BRCA2: variants seen among roughly 807,000 people sequenced by gnomAD.
BRCA2 encodes BRCA2 DNA repair associated.
Under a neutral mutation model 276.7 loss-of-function variants are expected in BRCA2, and 203 were observed. The observed-to-expected ratio is 0.73, with a 90% CI of 0.65 to 0.82. The LOEUF (loss-of-function observed/expected upper bound fraction) is 0.82. Among genes scored for constraint, BRCA2 ranks in the 40% least tolerant of loss-of-function variants. The pLI is 0.00. For missense variants in BRCA2, 3,920 were observed against 3,915.0 expected, an observed-to-expected ratio of 1.00 and a Z score of -0.03; for synonymous variants, 1,289 against 1,338.4, an observed-to-expected ratio of 0.96 and a Z score of 0.81.
intron 13 of BRCA2, among the ~76,000 whole-genome samples, chr13:32,350,740 G>A (rs1277689023): frequency 6.6e-5 from 10 of 151,536 alleles, no homozygotes; most frequent in Admixed American, 4.6e-4. Context: ...GCGAGAGAGC[G>A]AGACTCCGTC....
At chr13:32,318,354 C>T (rs1004195682) in intron 2 of BRCA2, among the ~76,000 whole-genome samples, 3 of 152,100 alleles carry the variant, frequency 2.0e-5, no homozygotes, top group Non-Finnish European at 4.4e-5. Flanking sequence ...TGTGAGAGTC[C>T]ACATGTTCCT....
intron 24 of BRCA2, among the ~76,000 whole-genome samples, chr13:32,391,768 A>T (rs1157161556): frequency 6.6e-6 from 1 of 152,184 alleles, no homozygotes; most frequent in Non-Finnish European, 1.5e-5. Context: ...CTAGTGTAGG[A>T]TTCTAAAAGT....
At chr13:32,330,820 C>A (rs2137460603) in intron 8 of BRCA2, 99 bp from the exon 9 acceptor site, 1 of 767,262 alleles carries the variant, frequency 1.3e-6, no homozygotes, top group Non-Finnish European at 2.2e-6. Context: ...TTGCAGATAA[C>A]TGAAATCACC....
In BRCA2 at chr13:32,338,614, A is replaced by AT. The variant is rs1555283664; in HGVS notation, c.4263dup (p.Glu1422Ter). The AT allele has an allele frequency of 6.3e-7, 1 of 1,597,490 alleles. No homozygotes were observed. The highest frequency in any genetic ancestry group is 1.7e-5 in the Admixed American group (1 of 58,640). ...ACTAAAACGGAGCAAAATATAAAAG[A>AT]TTTTGAGACTTCTGATACATTTTTT... On this transcript the variant is annotated frameshift_variant, in exon 11 of 27. Transcript: ENST00000380152. LOFTEE classifies it high-confidence loss of function.
intron 10 of BRCA2, 21 bp downstream of exon 10, chr13:32,333,408 T>C (rs2137476419): frequency 6.2e-7 from 1 of 1,604,848 alleles, no homozygotes; most frequent in African/African-American, 1.3e-5. Flanking sequence ...CTTTTTTTTT[T>C]TGTAAATAGT....
Position 32,340,453 on chromosome 13 carries a change from T to A in BRCA2, c.6098T>A (p.Ile2033Lys), listed in dbSNP as rs398122548. 2.5e-6 allele frequency: 4 copies of A among 1,613,732 alleles called. No individual in the cohort carries two copies. The African/African-American group carries it at 5.3e-5, about 22-fold the overall frequency. The part of the protein sequence containing the change: ...DQLTREENTA[I>K]RTPEHLISQK... ...CTCACAAGAGAAGAAAATACTGCTA[T>A]ACGTACTCCAGAACATTTAATATCC... The change falls in exon 11 of 27, where the codon ATA (isoleucine) becomes AAA (lysine). Residue 2033 changes from isoleucine to lysine, a missense_variant. Around this residue, in one of 2 missense-constraint regions of BRCA2, gnomAD observed 3,263 missense variants for 3,156.9 expected, o/e 1.03. Transcript: ENST00000380152.
Position 32,340,835 on chromosome 13 carries a change from A to G in BRCA2, c.6480A>G (p.Gln2160=), listed in dbSNP as rs2137527978. ...KVSPYLSQFQ[Q]DKQQLVLGTK... ...CTCCATATCTCTCTCAATTTCAACA[A>G]GACAAACAACAGTTGGTATTAGGAA... The change falls in exon 11 of 27, where the codon CAA becomes CAG. Residue 2160 remains glutamine (Q), a synonymous_variant. Transcript: ENST00000380152. 2 of 1,592,290 alleles carry G rather than the reference A, an allele frequency of 1.3e-6. No homozygotes were observed. The highest frequency in any genetic ancestry group is 1.7e-6 in the Non-Finnish European group (2 of 1,172,956).
chr13:32,391,535 C>T (rs1432254080), intron 24 of BRCA2, among the ~76,000 whole-genome samples: 1 of 152,210 alleles, frequency 6.6e-6, no homozygotes. Context: ...GCTGGAGGAT[C>T]ACATGCCTTG....
Position 32,357,928 on chromosome 13 carries a change from A to G in BRCA2, c.7804A>G (p.Arg2602Gly), listed in dbSNP as rs2137567908. 1 of 1,613,162 alleles carries G rather than the reference A, an allele frequency of 6.2e-7. No individual in the cohort carries two copies. Among genetic ancestry groups the G allele is most frequent in the Non-Finnish European group, 8.5e-7 (1 of 1,179,172 alleles). The change falls in exon 16 of 27, where the codon AGG (arginine) becomes GGG (glycine). Residue 2602 changes from arginine to glycine, a missense_variant and splice_region_variant. Coordinates refer to ENST00000380152, the MANE Select transcript of BRCA2 (RefSeq NM_000059.4). ...DGKAGKEEFY[R>G]ALCDTPGVDP... Reference sequence around the variant, plus strand: ...AAAGGCTGGAAAAGAAGAATTTTATAGGTACTCTATGCAAAAAGATTGTGT... The same window carrying G: ...AAAGGCTGGAAAAGAAGAATTTTATGGGTACTCTATGCAAAAAGATTGTGT...
chr13:32,350,490 C>T (rs1280429729), intron 13 of BRCA2, among the ~76,000 whole-genome samples: 2 of 152,126 alleles, frequency 1.3e-5, no homozygotes, highest in Non-Finnish European at 2.9e-5. Flanking sequence ...TGGTTCACGC[C>T]TGTAATCCCA....
At position 32,368,896 on chromosome 13, in the gene BRCA2, C is replaced by T. The variant is rs554592805; in HGVS notation, c.8332-1506C>T. 4.0e-5 allele frequency among the ~76,000 whole-genome samples: 6 copies of T among 151,276 alleles called. No individual in the cohort carries two copies. In the East Asian group the frequency reaches 1.2e-3, roughly 29 times the overall value. On this transcript the variant is annotated intron_variant, in intron 18 of 26. Coordinates refer to ENST00000380152, the MANE Select transcript of BRCA2 (RefSeq NM_000059.4). ...TGCGATCTCGGCTCACTGCAACCTC[C>T]ACCTCCCAGGTTCGAGGAATTCTCC...
rs397507637 is a variant in BRCA2 at position 32,337,055 on chromosome 13, TC to T, written c.2701del (p.Ala902LeufsTer2). 1 of 1,605,126 alleles carries T rather than the reference TC, an allele frequency of 6.2e-7. No individual in the cohort carries two copies. The highest frequency in any genetic ancestry group is 1.7e-4 in the Middle Eastern group (1 of 6,018). Reference sequence around the variant, plus strand: ...TCCAAGTAGCTAATGAAAGGAATAATCTTGCTTTAGGAAATACTAAGGAACT... The same window carrying T: ...TCCAAGTAGCTAATGAAAGGAATAATTTGCTTTAGGAAATACTAAGGAACT... ...VFQVANERNN[L>X]ALGNTKELHE... is the part of the protein sequence containing the mutation. On this transcript the variant is annotated frameshift_variant, in exon 11 of 27. Coordinates refer to ENST00000380152, the MANE Select transcript of BRCA2 (RefSeq NM_000059.4). LOFTEE classifies it high-confidence loss of function.
chr13:32,368,454 A>G (rs1276818969), intron 18 of BRCA2, among the ~76,000 whole-genome samples: 1 of 151,168 alleles, frequency 6.6e-6, no homozygotes, highest in Admixed American at 6.6e-5. Flanking sequence ...TAGATACAGT[A>G]TCTTCTCATC....
In BRCA2 at chr13:32,316,308, A is replaced by G. The variant is rs973070389; in HGVS notation, c.-39-114A>G. The G allele has an allele frequency of 7.3e-5, 53 of 726,106 alleles. 2 individuals carry two copies. The South Asian group carries it at 7.5e-4, about 10-fold the overall frequency. The allele number at this position is 726,106 out of a possible 1,614,324, so 45.0% of individuals were successfully genotyped here. ...CACAGTAAGCTGTTACCGTTCCAGGAGATGGGACTGAATTAGAATTCAAAC... is the reference window on the plus strand; with the variant it reads ...CACAGTAAGCTGTTACCGTTCCAGGGGATGGGACTGAATTAGAATTCAAAC... On this transcript the variant is annotated intron_variant, in intron 1 of 26. Transcript: ENST00000380152.
At chr13:32,342,622 T>C (rs2072580377) in intron 11 of BRCA2, among the ~76,000 whole-genome samples, 1 of 152,226 alleles carries the variant, frequency 6.6e-6, no homozygotes. Context: ...GGCTGTATGG[T>C]ATAGCTTATT....
intron 23 of BRCA2, 39 bp from the exon 24 acceptor site, chr13:32,379,968 G>A (rs771635535): frequency 3.5e-5 from 56 of 1,613,062 alleles, no homozygotes; most frequent in Admixed American, 1.0e-4. Flanking sequence ...TTAGTTTATG[G>A]AATCTCCATA....
rs1555283760 is a variant in BRCA2 at position 32,338,745 on chromosome 13, T to G, written c.4390T>G (p.Ser1464Ala). ...AGAATTGCATAACTTTTCCTTAAAT[T>G]CTGAATTACATTCTGACATAAGAAA... is the stretch of plus-strand genomic sequence containing the variant. ...PEELHNFSLN[S>A]ELHSDIRKNK... The change falls in exon 11 of 27, where the codon TCT becomes GCT. Residue 1464 changes from serine (S) to alanine (A), a missense_variant. Physicochemically the swap from Ser to Ala is moderately conservative, Grantham distance 99. Around this residue, in one of 2 missense-constraint regions of BRCA2, gnomAD observed 3,263 missense variants for 3,156.9 expected, o/e 1.03. Transcript: ENST00000380152. The G allele has an allele frequency of 1.9e-6, 3 of 1,602,204 alleles. No homozygotes were observed. Among genetic ancestry groups the G allele is most frequent in the Non-Finnish European group, 2.6e-6 (3 of 1,172,414 alleles).
intron 16 of BRCA2, 99 bp from the exon 17 acceptor site, chr13:32,362,424 T>G: frequency 1.7e-6 from 2 of 1,191,530 alleles, no homozygotes; most frequent in Non-Finnish European, 2.5e-6. Flanking sequence ...CTTAATGATC[T>G]TGAACAATGT....
rs730881582 is a variant in BRCA2 at position 32,363,381 on chromosome 13, G to T, written c.8179G>T (p.Ala2727Ser). Residue 2727 changes from alanine (A) to serine (S), a missense_variant, in exon 18 of 27, where the codon GCT becomes TCT. Ala to Ser is a moderately conservative substitution (Grantham distance 99). This residue lies in a region of BRCA2 where 3,263 missense variants were observed against 3,156.9 expected (regional missense o/e 1.03). Transcript: ENST00000380152. ...AIIELTDGWY[A>S]VKAQLDPPLL... ...TATTGAACTTACAGATGGGTGGTAT[G>T]CTGTTAAGGCCCAGTTAGATCCTCC... is the stretch of plus-strand genomic sequence containing the variant. 1 of 1,614,030 alleles carries T rather than the reference G, an allele frequency of 6.2e-7. No homozygotes were observed. Among genetic ancestry groups the T allele is most frequent in the Admixed American group, 1.7e-5 (1 of 60,002 alleles).
Sources: gnomAD v4.1 joint callset for allele counts (sites outside exome capture counted in the v4.1 genomes callset) on GRCh38, gnomAD v4.1.1 for gene constraint, gnomAD v4.1.1 regional missense constraint, MANE v1.5 for transcripts, NCBI Gene and HGNC (gene_info 2026-07-23, HGNC 2026-07-21) for gene names.